Variants in PCDH7 observed in about 807,000 individuals in gnomAD.
The protein encoded by PCDH7 is protocadherin-7.
PCDH7 carries 17 observed loss-of-function variants against 58.9 expected under a neutral mutation model. The observed-to-expected ratio is 0.29, with a 90% CI of 0.20 to 0.43. The LOEUF is 0.43. PCDH7 is among the 20% of genes least tolerant of loss of function. The pLI is 1.00. For missense variants in PCDH7, 1,274 were observed against 1,441.0 expected (o/e 0.88, Z 1.88); for synonymous variants, 664 against 616.4 (o/e 1.08, Z -1.14).
At chr4:30,885,248 A>G (rs1045205568) in intron 1 of PCDH7, 1 of 152,182 alleles carries the variant, frequency 6.6e-6, no homozygotes, top group African/African-American at 2.4e-5. Context: ...AGGGTACCAT[A>G]GTGATTAAAA....
intron 3 of PCDH7, among the ~76,000 whole-genome samples, chr4:31,139,492 CA>C (rs1177307728): frequency 1.3e-5 from 2 of 151,662 alleles, no homozygotes; most frequent in African/African-American, 4.8e-5. Flanking sequence ...TATAATGCCA[CA>C]AAAAAATAGG....
intron 3 of PCDH7, among the ~76,000 whole-genome samples, chr4:31,067,797 A>C (rs1474049762): frequency 6.6e-6 from 1 of 151,974 alleles, no homozygotes; most frequent in Non-Finnish European, 1.5e-5. Flanking sequence ...TGAGACGTTC[A>C]TTCTAAGATA....
chr4:30,844,981 G>A (rs1030861023), intron 1 of PCDH7, among the ~76,000 whole-genome samples: 4 of 152,174 alleles, frequency 2.6e-5, no homozygotes, highest in African/African-American at 9.6e-5. Context: ...TTTTGTTTTG[G>A]TTTTAGTTTT....
chr4:30,788,851 C>T (rs916183305), intron 1 of PCDH7, among the ~76,000 whole-genome samples: 4 of 152,088 alleles, frequency 2.6e-5, no homozygotes, highest in Non-Finnish European at 5.9e-5. Context: ...GACTTTTCAA[C>T]TGGGTTTTGG....
chr4:30,941,143 A>G (rs1745991548), intron 2 of PCDH7, among the ~76,000 whole-genome samples: 2 of 151,958 alleles, frequency 1.3e-5, no homozygotes. Context: ...GGGATGCTTT[A>G]TTGTCAAAGA....
At chr4:30,817,507 T>G (rs1007865524) in intron 1 of PCDH7, among the ~76,000 whole-genome samples, 15 of 152,318 alleles carry the variant, frequency 9.8e-5, no homozygotes, top group African/African-American at 3.4e-4. Context: ...TGTCAATAAA[T>G]AAGTAGGTGT....
At chr4:30,802,672 CA>C in intron 1 of PCDH7, among the ~76,000 whole-genome samples, 1 of 152,048 alleles carries the variant, frequency 6.6e-6, no homozygotes, top group Middle Eastern at 3.4e-3. Context: ...TCAATATTTT[CA>C]GCAGTAAGAG....
chr4:30,721,315 C>T lies in PCDH7; in HGVS notation c.-108C>T, dbSNP rs2631566. ...TCCCCTCCCTCTCGCTCCTTCCTTTCCGGGAGAGGGGAGAGGACTCGGGGG... is the reference window on the plus strand; with the variant it reads ...TCCCCTCCCTCTCGCTCCTTCCTTTTCGGGAGAGGGGAGAGGACTCGGGGG... On this transcript the variant is annotated 5_prime_UTR_variant, in exon 1 of 2. Coordinates refer to ENST00000361762, the Ensembl canonical transcript of PCDH7. The surrounding 1 kb of genome is among the most constrained non-coding windows in gnomAD (Gnocchi z 6.7). The T allele has an allele frequency of 1.8e-6, 2 of 1,139,200 alleles. No individual in the cohort carries two copies. Among genetic ancestry groups the T allele is most frequent in the South Asian group, 3.4e-5 (2 of 59,096 alleles). 70.6% of individuals were successfully genotyped at this position (1,139,200 alleles called of 1,614,324 possible).
At position 30,855,671 on chromosome 4, in the gene PCDH7, A is replaced by G. The variant is rs1733360244; in HGVS notation, c.71-64482A>G. ...GATGATCTTTTGCTCTGTAGCATGC[A>G]GATTATGTTGGTAAACTTAGTAATA... On this transcript the variant is annotated intron_variant, in intron 1 of 3. Coordinates refer to the PCDH7 transcript ENST00000509759. Among the ~76,000 whole-genome samples the G allele has an allele frequency of 2.6e-5, 4 of 152,162 alleles. 1 individual carries two copies. The South Asian group carries it at 8.3e-4, about 31-fold the overall frequency.
intron 1 of PCDH7, among the ~76,000 whole-genome samples, chr4:30,835,515 G>C (rs1730378582): frequency 6.6e-6 from 1 of 152,114 alleles, no homozygotes; most frequent in African/African-American, 2.4e-5. Context: ...TTGTCTTCCA[G>C]GAAACCGGGT....
intron 3 of PCDH7, among the ~76,000 whole-genome samples, chr4:31,087,337 G>A (rs1258248711): frequency 6.6e-6 from 1 of 152,080 alleles, no homozygotes; most frequent in Non-Finnish European, 1.5e-5. Context: ...TGATGGCTGT[G>A]TGATATTCAG....
intron 1 of PCDH7, among the ~76,000 whole-genome samples, chr4:30,842,577 T>G (rs919230760): frequency 3.3e-5 from 5 of 152,104 alleles, no homozygotes; most frequent in Non-Finnish European, 5.9e-5. Context: ...GTGGATGGAT[T>G]GGATGGATGT....
At chr4:31,003,978 G>C in intron 3 of PCDH7, among the ~76,000 whole-genome samples, 1 of 152,036 alleles carries the variant, frequency 6.6e-6, no homozygotes. Flanking sequence ...CAGCATTTTA[G>C]GTTGTCTAGG....
chr4:31,001,938 A>C (rs1752391290), intron 3 of PCDH7, among the ~76,000 whole-genome samples: 1 of 152,216 alleles, frequency 6.6e-6, no homozygotes, highest in African/African-American at 2.4e-5. Context: ...AAACAACAAA[A>C]GCGTTTTTTG....
intron 1 of PCDH7, among the ~76,000 whole-genome samples, chr4:30,873,060 A>C (rs1490641146): frequency 2.6e-5 from 4 of 152,140 alleles, no homozygotes; most frequent in Admixed American, 2.6e-4. Flanking sequence ...GAACTAAATG[A>C]ATACACCATG....
chr4:30,782,180 T>A (rs1378904138), intron 1 of PCDH7, among the ~76,000 whole-genome samples: 2 of 152,332 alleles, frequency 1.3e-5, no homozygotes, highest in Admixed American at 6.5e-5. Flanking sequence ...ACACTTTTTT[T>A]ATATTAGTTT....
At chr4:30,845,601 C>T (rs749385617) in intron 1 of PCDH7, among the ~76,000 whole-genome samples, 2 of 152,032 alleles carry the variant, frequency 1.3e-5, no homozygotes, top group Non-Finnish European at 2.9e-5. Context: ...TGTGTATTCT[C>T]TCTTTGTCTT....
intron 1 of PCDH7, among the ~76,000 whole-genome samples, chr4:30,749,646 G>A (rs1019288808): frequency 2.6e-5 from 4 of 152,152 alleles, no homozygotes; most frequent in Non-Finnish European, 5.9e-5. Context: ...AGAGATAATA[G>A]ATGATTGACT....
At chr4:30,806,435 G>T (rs1726221607) in intron 1 of PCDH7, among the ~76,000 whole-genome samples, 1 of 151,982 alleles carries the variant, frequency 6.6e-6, no homozygotes, top group Admixed American at 6.6e-5. Context: ...CTCCCGAGCA[G>T]CTGGGACTAG....
Sources: gnomAD v4.1 joint callset for allele counts (sites outside exome capture counted in the v4.1 genomes callset) on GRCh38, gnomAD v4.1.1 for gene constraint, Gnocchi (gnomAD v3.1) non-coding constraint, MANE v1.5 for transcripts, NCBI Gene and HGNC (gene_info 2026-07-23, HGNC 2026-07-21) for gene names.